FOCAD: variants seen among roughly 807,000 people sequenced by gnomAD.
FOCAD encodes focadhesin.
Under a neutral mutation model 225.6 loss-of-function variants are expected in FOCAD, and 198 were observed. The ratio of observed to expected loss-of-function variants is 0.88; its 90% CI spans 0.78 to 0.99. The LOEUF (loss-of-function observed/expected upper bound fraction) is 0.99. FOCAD is among the 50% of genes least tolerant of loss of function. The probability of loss-of-function intolerance (pLI) is 0.00; values close to 1 mark genes in which losing one functional copy is unlikely to be tolerated. For missense variants in FOCAD, 2,713 were observed against 2,123.6 expected (o/e 1.28, Z -5.46); for synonymous variants, 897 against 755.0 (o/e 1.19, Z -3.08).
intron 15 of FOCAD, among the ~76,000 whole-genome samples, chr9:20,827,027 A>G (rs1014534404): frequency 3.9e-5 from 6 of 152,100 alleles, no homozygotes; most frequent in African/African-American, 1.4e-4. Flanking sequence ...TCTTTTTTAA[A>G]AAGCAATTTT....
chr9:20,991,264 T>G (rs1841647772), intron 42 of FOCAD, among the ~76,000 whole-genome samples: 1 of 152,232 alleles, frequency 6.6e-6, no homozygotes. Flanking sequence ...CTTAATACAG[T>G]TGGTTGAAAG....
intron 15 of FOCAD, among the ~76,000 whole-genome samples, chr9:20,825,424 G>A (rs1287683531): frequency 6.6e-6 from 1 of 152,038 alleles, no homozygotes; most frequent in African/African-American, 2.4e-5. Context: ...AAAACATTCA[G>A]CATAGTTATA....
At chr9:20,719,778 CT>C (rs34384301) in intron 3 of FOCAD, among the ~76,000 whole-genome samples, 5,131 of 61,934 alleles carry the variant, frequency 0.083, 52 homozygotes, top group East Asian at 0.2. Flanking sequence ...TTTTCCTAGG[CT>C]TTTTTTTTTT....
chr9:20,938,284 T>C (rs541485084), intron 28 of FOCAD, among the ~76,000 whole-genome samples: 3 of 152,292 alleles, frequency 2.0e-5, no homozygotes, highest in East Asian at 3.9e-4. Flanking sequence ...TGCACACGTA[T>C]GTTTATTGCG....
At chr9:20,875,582 G>T (rs895861839) in intron 19 of FOCAD, 3 of 144,942 alleles carry the variant, frequency 2.1e-5, no homozygotes, top group African/African-American at 7.7e-5. Context: ...TGACAGCCTA[G>T]GTGACAGCCT....
chr9:20,828,481 C>G (rs903770145), intron 15 of FOCAD, among the ~76,000 whole-genome samples: 2 of 152,020 alleles, frequency 1.3e-5, no homozygotes, highest in African/African-American at 2.4e-5. Context: ...TATAGTAACT[C>G]ACTGTTTAAC....
rs531554653 is a variant in FOCAD, at chr9:20,847,101, A to G, written c.1921-15477A>G. On this transcript the variant is annotated intron_variant, in intron 15 of 43. Transcript: ENST00000338382. The stretch of plus-strand genomic sequence containing the variant: ...AATTTATATATAATACAGTTCAGCC[A>G]TTTTAATCGTGCATTTCAATTGTTT... Among the ~76,000 whole-genome samples the G allele has an allele frequency of 3.9e-5, 6 of 152,220 alleles. No homozygotes were observed. The South Asian group carries it at 1.2e-3, about 32-fold the overall frequency.
At chr9:20,924,773 T>G (rs1219721007) in intron 25 of FOCAD, among the ~76,000 whole-genome samples, 1 of 152,096 alleles carries the variant, frequency 6.6e-6, no homozygotes, top group African/African-American at 2.4e-5. Flanking sequence ...AAAACTGTAT[T>G]TTGGGAAGAA....
Position 20,740,338 on chromosome 9 carries a change from T to C in FOCAD, c.390T>C (p.Ile130=). 1 of 1,526,480 alleles carries C rather than the reference T, an allele frequency of 6.6e-7. No homozygotes were observed. Among genetic ancestry groups the C allele is most frequent in the Non-Finnish European group, 8.9e-7 (1 of 1,126,912 alleles). The allele number at this position is 1,526,480 out of a possible 1,614,324, so 94.6% of individuals were successfully genotyped here. The change falls in exon 5 of 44, where the codon ATT becomes ATC. Residue 130 remains isoleucine (I), a splice_region_variant and synonymous_variant. Transcript: ENST00000338382. ...GEKNIQSIYT[I]RNHPHPLITV... is the part of the protein sequence containing the mutation. ...AGAATATTCAGAGTATATATACCAT[T>C]AGGTAAGCCTTTTTTCTGTTTTTTT...
intron 22 of FOCAD, among the ~76,000 whole-genome samples, chr9:20,910,776 T>G (rs1008293712): frequency 6.6e-6 from 1 of 152,004 alleles, no homozygotes; most frequent in African/African-American, 2.4e-5. Context: ...GAAGGCGCCA[T>G]GGATCTGAGT....
chr9:20,938,408 G>T (rs1431948583), intron 28 of FOCAD, among the ~76,000 whole-genome samples: 1 of 152,146 alleles, frequency 6.6e-6, no homozygotes, highest in Non-Finnish European at 1.5e-5. Flanking sequence ...CCATAAAAAA[G>T]GATGAGTTCA....
upstream of FOCAD, among the ~76,000 whole-genome samples, chr9:20,682,749 ATAACTT>A (rs1259732953): frequency 6.6e-6 from 1 of 152,176 alleles, no homozygotes. Context: ...CAGAGGTTGA[ATAACTT>A]TAAGTAGGTT....
At chr9:20,735,587 C>T (rs1268922610) in intron 4 of FOCAD, among the ~76,000 whole-genome samples, 1 of 151,578 alleles carries the variant, frequency 6.6e-6, no homozygotes, top group Non-Finnish European at 1.5e-5. Flanking sequence ...GAGATCATAG[C>T]TCACTGTAAT....
intron 1 of FOCAD, among the ~76,000 whole-genome samples, chr9:20,714,604 T>TTGCCTGCCTGCC (rs199729075): frequency 0.025 from 1,478 of 59,264 alleles, 140 homozygotes; most frequent in East Asian, 0.061. Flanking sequence ...TTTTGCATGC[T>TTGCCTGCCTGCC]TGCCTGCCTG....
upstream of FOCAD, among the ~76,000 whole-genome samples, chr9:20,681,375 T>G (rs1178600221): frequency 6.6e-6 from 1 of 152,118 alleles, no homozygotes; most frequent in Non-Finnish European, 1.5e-5. Flanking sequence ...GGATTATAGG[T>G]GTGAGCCATC....
intron 7 of FOCAD, among the ~76,000 whole-genome samples, chr9:20,766,297 G>T (rs1257344795): frequency 6.6e-6 from 1 of 152,182 alleles, no homozygotes; most frequent in Non-Finnish European, 1.5e-5. Context: ...TGGAACTAGT[G>T]ACAGTAGCAT....
intron 15 of FOCAD, among the ~76,000 whole-genome samples, chr9:20,853,028 G>A (rs911615010): frequency 3.3e-5 from 5 of 151,684 alleles, no homozygotes; most frequent in Non-Finnish European, 7.4e-5. Flanking sequence ...GGGGAATAAA[G>A]CACTAATCAT....
At chr9:20,704,915 A>G (rs1393715093) in intron 1 of FOCAD, among the ~76,000 whole-genome samples, 1 of 152,232 alleles carries the variant, frequency 6.6e-6, no homozygotes, top group Non-Finnish European at 1.5e-5. Context: ...GAAACTGGGA[A>G]TGAGCAAAAA....
At chr9:20,704,671 G>A (rs781708253) in intron 1 of FOCAD, among the ~76,000 whole-genome samples, 30 of 152,268 alleles carry the variant, frequency 2.0e-4, no homozygotes, top group African/African-American at 5.5e-4. Flanking sequence ...TTCATAAAGC[G>A]TTGGTAAACA....
Sources: allele counts gnomAD v4.1 joint callset (sites outside exome capture counted in the v4.1 genomes callset), GRCh38; gene constraint gnomAD v4.1.1; transcripts MANE v1.5; gene names NCBI Gene and HGNC (gene_info 2026-07-23, HGNC 2026-07-21).